The following CLTC variants were observed in gnomAD, a reference collection of about 807,000 sequenced individuals.
CLTC encodes clathrin heavy chain.
Under a neutral mutation model 195.8 loss-of-function variants are expected in CLTC, and 16 were observed. That is an observed-to-expected ratio of 0.08 (90% CI 0.06 to 0.12). The LOEUF (loss-of-function observed/expected upper bound fraction) is 0.12, where lower values mean the gene tolerates loss of function less well. Among genes scored for constraint, CLTC ranks in the 10% least tolerant of loss-of-function variants. The probability of loss-of-function intolerance (pLI) is 1.00; values close to 1 mark genes in which losing one functional copy is unlikely to be tolerated. For synonymous variants in CLTC, 667 were observed against 689.4 expected (o/e 0.97, Z 0.51); for missense variants, 796 against 2,027.0 (o/e 0.39, Z 11.66).
chr17:59,661,087 GATA>G (rs2032597093), intron 7 of CLTC, among the ~76,000 whole-genome samples: 1 of 151,898 alleles, frequency 6.6e-6, no homozygotes, highest in Non-Finnish European at 1.5e-5. Context: ...ATGAACTTGG[GATA>G]ATACTTAGCT....
intron 7 of CLTC, 61 bp from the exon 8 acceptor site, chr17:59,661,382 G>T (rs2032605004): frequency 7.5e-7 from 1 of 1,331,176 alleles, no homozygotes. Flanking sequence ...CTTTCGAAGA[G>T]CGTTTAACAT....
rs536648079 is a variant in CLTC, at chr17:59,673,564, G to A, written c.2293-83G>A. ...GTTTGTGTGAGCCTCTCTTGTTAGC[G>A]TAGAACAAATTCTCATATGTTACAC... On this transcript the variant is annotated intron_variant, in intron 14 of 31. Coordinates refer to ENST00000269122, the MANE Select transcript of CLTC (RefSeq NM_004859.4). 7.8e-4 allele frequency: 818 copies of A among 1,045,648 alleles called. 2 individuals carry two copies. The highest frequency in any genetic ancestry group is 8.4e-4 in the Non-Finnish European group (587 of 695,770). 64.8% of individuals were successfully genotyped at this position (1,045,648 alleles called of 1,614,324 possible).
At chr17:59,620,200 G>T (rs775486775) in intron 1 of CLTC, 27 bp downstream of exon 1, 1 of 1,613,422 alleles carries the variant, frequency 6.2e-7, no homozygotes, top group South Asian at 1.1e-5. Flanking sequence ...GCTGGTGAGG[G>T]CTGTGGAGAA....
intron 2 of CLTC, chr17:59,645,957 T>C (rs1567941828): frequency 1.5e-6 from 1 of 657,856 alleles, no homozygotes; most frequent in Non-Finnish European, 1.9e-6. Flanking sequence ...CAAAATTCTT[T>C]TCTATTTTTA....
At chr17:59,670,086 G>A (rs2032813055) in intron 14 of CLTC, among the ~76,000 whole-genome samples, 1 of 152,112 alleles carries the variant, frequency 6.6e-6, no homozygotes, top group South Asian at 2.1e-4. Context: ...ACCTAGCTGT[G>A]CTATGTTTGG....
Position 59,681,144 on chromosome 17 carries a change from C to G in CLTC, c.3065+87C>G, listed in dbSNP as rs540363943. 8.6e-6 allele frequency: 13 copies of G among 1,509,704 alleles called. No individual in the cohort carries two copies. In the African/African-American group the frequency reaches 9.7e-5, roughly 11 times the overall value. 93.5% of individuals were successfully genotyped at this position (1,509,704 alleles called of 1,614,324 possible). On this transcript the variant is annotated intron_variant, in intron 19 of 31. Coordinates refer to ENST00000269122, the MANE Select transcript of CLTC (RefSeq NM_004859.4). This position sits in a 1 kb window ranked among gnomAD's most constrained non-coding sequence, Gnocchi z 5.0. ...CAGTTTTGGGAAGGAACAAAAAGAT[C>G]AGAGAAAGTTGCCTGAATTCTCACT...
chr17:59,647,170 A>G (rs988609207), intron 2 of CLTC, among the ~76,000 whole-genome samples: 1 of 152,274 alleles, frequency 6.6e-6, no homozygotes, highest in South Asian at 2.1e-4. Context: ...AAGTCATACT[A>G]TCTGTTTAAA....
chr17:59,690,445 A>G, intron 30 of CLTC, 191 bp from the exon 31 acceptor site: 1 of 480,850 alleles, frequency 2.1e-6, no homozygotes, highest in South Asian at 3.5e-5. Context: ...AGGGTTTATA[A>G]TGACAGTGCT....
Position 59,665,118 on chromosome 17 carries a change from G to A in CLTC, c.1644+209G>A, listed in dbSNP as rs538288737. On this transcript the variant is annotated intron_variant, in intron 10 of 31. Coordinates refer to ENST00000269122, the MANE Select transcript of CLTC (RefSeq NM_004859.4). ...CACATGCCTGTCGCCCCAGCTACTCGGGTGGCTGAAGTGGAGGGATAGCTT... is the reference window on the plus strand; with the variant it reads ...CACATGCCTGTCGCCCCAGCTACTCAGGTGGCTGAAGTGGAGGGATAGCTT... Among the ~76,000 whole-genome samples the A allele has an allele frequency of 1.2e-4, 18 of 152,016 alleles. No homozygotes were observed. Among genetic ancestry groups the A allele is most frequent in the Non-Finnish European group, 2.6e-4 (18 of 67,964 alleles).
chr17:59,626,140 T>A (rs1456644511), intron 1 of CLTC, among the ~76,000 whole-genome samples: 2 of 152,218 alleles, frequency 1.3e-5, no homozygotes, highest in African/African-American at 4.8e-5. Context: ...TGTTAGACTC[T>A]AGGGACAAGG....
intron 1 of CLTC, among the ~76,000 whole-genome samples, chr17:59,622,124 A>G (rs1313495951): frequency 6.6e-6 from 1 of 152,204 alleles, no homozygotes; most frequent in African/African-American, 2.4e-5. Context: ...CTGTTTTGTA[A>G]CTGGATCAAA....
chr17:59,663,762 C>A, intron 8 of CLTC, 80 bp from the exon 9 acceptor site: 1 of 1,195,474 alleles, frequency 8.4e-7, no homozygotes, highest in South Asian at 1.5e-5. Context: ...CTAGTTATTA[C>A]TTATAGTGGA....
At chr17:59,689,266 AT>A (rs1298827215) in intron 30 of CLTC, 1 of 152,182 alleles carries the variant, frequency 6.6e-6, no homozygotes, top group African/African-American at 2.4e-5. Flanking sequence ...TATTTATGGT[AT>A]TTAATATGAA....
chr17:59,693,076 T>C (rs779022016), intron 31 of CLTC, among the ~76,000 whole-genome samples: 11 of 152,198 alleles, frequency 7.2e-5, no homozygotes, highest in Non-Finnish European at 1.6e-4. Context: ...GTTAAAAACA[T>C]GTCATTTAGA....
chr17:59,674,168 C>T (rs2032915208), intron 15 of CLTC, among the ~76,000 whole-genome samples: 1 of 151,922 alleles, frequency 6.6e-6, no homozygotes, highest in African/African-American at 2.4e-5. Flanking sequence ...ACATGCATGC[C>T]AAGTGTGTAA....
chr17:59,667,032 G>A, intron 13 of CLTC, 55 bp downstream of exon 13: 1 of 1,421,640 alleles, frequency 7.0e-7, no homozygotes, highest in Non-Finnish European at 9.7e-7. Flanking sequence ...CCAAGAAGAG[G>A]TATGCTTATG....
In CLTC at chr17:59,677,020, C is replaced by A. The variant is rs200957969; in HGVS notation, c.2628C>A (p.His876Gln). ...IHEGCEEPAT[H>Q]NALAKIYIDS... ...AGGGCTGTGAGGAGCCTGCTACTCA[C>A]AATGCCTTAGCCAAAATCTACATAG... The change falls in exon 17 of 32, where the codon CAC becomes CAA. Residue 876 changes from histidine (H) to glutamine (Q), a missense_variant. Coordinates refer to ENST00000269122, the MANE Select transcript of CLTC (RefSeq NM_004859.4). 10 of 1,614,078 alleles carry A rather than the reference C, an allele frequency of 6.2e-6. No homozygotes were observed. The highest frequency in any genetic ancestry group is 5.1e-6 in the Non-Finnish European group (6 of 1,180,004).
chr17:59,669,029 C>G (rs1001987152), intron 14 of CLTC, 89 bp downstream of exon 14: 21 of 1,213,244 alleles, frequency 1.7e-5, no homozygotes, highest in Non-Finnish European at 2.1e-5. Flanking sequence ...ATATTTTTTC[C>G]CTAAATGTGA....
Position 59,655,931 on chromosome 17 carries a change from C to G in CLTC, c.873C>G (p.Thr291=). Reference sequence around the variant, plus strand: ...ACCTCTATGATCTTGAGACTGGTACCTGCATCTACATGAATAGAATCAGTG... The same window carrying G: ...ACCTCTATGATCTTGAGACTGGTACGTGCATCTACATGAATAGAATCAGTG... ...YIHLYDLETG[T]CIYMNRISGE... The change falls in exon 6 of 32, where the codon ACC becomes ACG. Residue 291 remains threonine, a synonymous_variant. Coordinates refer to ENST00000269122, the MANE Select transcript of CLTC (RefSeq NM_004859.4). The G allele has an allele frequency of 6.2e-7, 1 of 1,612,272 alleles. No individual in the cohort carries two copies. The highest frequency in any genetic ancestry group is 8.5e-7 in the Non-Finnish European group (1 of 1,179,358).
Sources: allele counts gnomAD v4.1 joint callset (sites outside exome capture counted in the v4.1 genomes callset), GRCh38; gene constraint gnomAD v4.1.1; non-coding constraint Gnocchi (gnomAD v3.1); transcripts MANE v1.5; gene names NCBI Gene and HGNC (gene_info 2026-07-23, HGNC 2026-07-21).